The following DMRT1 variants were observed in gnomAD, a reference collection of about 807,000 sequenced individuals.
The protein encoded by DMRT1 is doublesex- and mab-3-related transcription factor 1.
In DMRT1, 7 loss-of-function variants were observed where a neutral mutation model predicts 32.3. The ratio of observed to expected loss-of-function variants is 0.22; its 90% CI spans 0.12 to 0.41. The LOEUF is 0.41. Ranked by LOEUF, DMRT1 falls within the 10% of genes least tolerant of loss-of-function variation. The probability of loss-of-function intolerance (pLI) is 1.00; values close to 1 mark genes in which losing one functional copy is unlikely to be tolerated. For synonymous variants in DMRT1, 278 were observed against 206.1 expected, an observed-to-expected ratio of 1.35 and a Z score of -2.99; for missense variants, 625 against 500.5, an observed-to-expected ratio of 1.25 and a Z score of -2.37.
intron 2 of DMRT1, among the ~76,000 whole-genome samples, chr9:868,133 A>G (rs942166242): frequency 2.0e-5 from 3 of 152,152 alleles, no homozygotes; most frequent in African/African-American, 7.2e-5. Context: ...GCAAGCCACC[A>G]TGCCCGGCTA....
chr9:847,211 G>A (rs888351158), intron 2 of DMRT1, 68 bp downstream of exon 2: 59 of 1,509,080 alleles, frequency 3.9e-5, no homozygotes, highest in Non-Finnish European at 4.9e-5. Context: ...TGCAGCCACA[G>A]AAGCAGGGCT....
chr9:856,487 G>T (rs1031016333), intron 2 of DMRT1, among the ~76,000 whole-genome samples: 2 of 152,172 alleles, frequency 1.3e-5, no homozygotes, highest in Non-Finnish European at 2.9e-5. Flanking sequence ...GGAATGATAA[G>T]ATGTGTAACC....
intron 3 of DMRT1, among the ~76,000 whole-genome samples, chr9:908,635 G>A (rs4742549): frequency 0.031 from 4,778 of 151,822 alleles, 206 homozygotes; most frequent in East Asian, 0.17. Flanking sequence ...TTTTATTTTT[G>A]GAGCTACTGT....
chr9:863,319 T>TAAAAA (rs34511298), intron 2 of DMRT1, among the ~76,000 whole-genome samples: 3 of 135,136 alleles, frequency 2.2e-5, no homozygotes. Context: ...CCACGTCTCT[T>TAAAAA]AAAAAAAAAA....
At chr9:906,223 C>G (rs1197476417) in intron 3 of DMRT1, among the ~76,000 whole-genome samples, 2 of 152,120 alleles carry the variant, frequency 1.3e-5, no homozygotes, top group African/African-American at 4.8e-5. Context: ...AGGTCACCAG[C>G]CTGCGTCGGA....
intron 2 of DMRT1, among the ~76,000 whole-genome samples, chr9:882,129 A>G (rs898676423): frequency 6.6e-6 from 1 of 152,174 alleles, no homozygotes; most frequent in Non-Finnish European, 1.5e-5. Context: ...AGCTGCAGAG[A>G]GCAGGAATCA....
At chr9:913,051 A>G (rs1410918021) in intron 3 of DMRT1, among the ~76,000 whole-genome samples, 1 of 152,202 alleles carries the variant, frequency 6.6e-6, no homozygotes, top group Non-Finnish European at 1.5e-5. Context: ...GACATTTACA[A>G]TAAAAAGTTT....
chr9:845,216 A>T (rs1838855160), intron 1 of DMRT1, among the ~76,000 whole-genome samples: 2 of 151,038 alleles, frequency 1.3e-5, no homozygotes, highest in African/African-American at 4.9e-5. Flanking sequence ...TTATTTATTT[A>T]TTTATTTTTT....
At chr9:941,964 C>T (rs753577560) in intron 4 of DMRT1, among the ~76,000 whole-genome samples, 3 of 152,154 alleles carry the variant, frequency 2.0e-5, no homozygotes, top group Non-Finnish European at 2.9e-5. Context: ...GCACTTATAT[C>T]CAGAAGTGAG....
intron 2 of DMRT1, among the ~76,000 whole-genome samples, chr9:851,692 G>C (rs1204189500): frequency 1.3e-5 from 2 of 152,182 alleles, no homozygotes; most frequent in Non-Finnish European, 2.9e-5. Context: ...GGTTTCATTT[G>C]TTGGAGAAAC....
intron 4 of DMRT1, among the ~76,000 whole-genome samples, chr9:925,304 C>A (rs1329097764): frequency 6.6e-6 from 1 of 152,198 alleles, no homozygotes; most frequent in Non-Finnish European, 1.5e-5. Flanking sequence ...GTGAAGCATT[C>A]AGTGAAATAA....
At chr9:901,333 G>GT (rs1419701989) in intron 3 of DMRT1, among the ~76,000 whole-genome samples, 1 of 150,750 alleles carries the variant, frequency 6.6e-6, no homozygotes, top group Non-Finnish European at 1.5e-5. Context: ...TTGTGTGTTT[G>GT]TTTTTTATTG....
At chr9:904,168 A>G (rs113476485) in intron 3 of DMRT1, among the ~76,000 whole-genome samples, 9 of 152,224 alleles carry the variant, frequency 5.9e-5, no homozygotes, top group Non-Finnish European at 2.9e-5. Flanking sequence ...AATTGGCTTG[A>G]AATTTAGATA....
At chr9:869,279 C>G (rs1816127851) in intron 2 of DMRT1, among the ~76,000 whole-genome samples, 1 of 152,184 alleles carries the variant, frequency 6.6e-6, no homozygotes, top group Non-Finnish European at 1.5e-5. Flanking sequence ...CATGCCAGAT[C>G]TTAAAGGTGG....
intron 4 of DMRT1, among the ~76,000 whole-genome samples, chr9:917,868 G>A (rs574754895): frequency 2.0e-5 from 3 of 152,268 alleles, no homozygotes; most frequent in South Asian, 2.1e-4. Context: ...TATAGGTCAC[G>A]GGAGCCTATG....
chr9:847,225 C>T (rs935414246), intron 2 of DMRT1, 82 bp downstream of exon 2: 6 of 1,421,262 alleles, frequency 4.2e-6, no homozygotes, highest in Non-Finnish European at 5.8e-6. Flanking sequence ...CAGGGCTCCC[C>T]TGAGCTACAT....
intron 2 of DMRT1, among the ~76,000 whole-genome samples, chr9:850,019 A>G (rs1050501233): frequency 6.6e-6 from 1 of 152,186 alleles, no homozygotes; most frequent in African/African-American, 2.4e-5. Context: ...GGTTTCCTCC[A>G]TGTTGGTCAG....
At chr9:944,878 A>G (rs147981639) in intron 4 of DMRT1, among the ~76,000 whole-genome samples, 44 of 152,194 alleles carry the variant, frequency 2.9e-4, no homozygotes, top group African/African-American at 9.9e-4. Context: ...CTTGCTTTGG[A>G]AAGCACATGA....
At chr9:929,187 A>T (rs1818628070) in intron 4 of DMRT1, among the ~76,000 whole-genome samples, 1 of 152,176 alleles carries the variant, frequency 6.6e-6, no homozygotes, top group Non-Finnish European at 1.5e-5. Context: ...ACAACCTTGT[A>T]CTTCATCTGT....
Sources: gnomAD v4.1 joint callset for allele counts (sites outside exome capture counted in the v4.1 genomes callset) on GRCh38, gnomAD v4.1.1 for gene constraint, MANE v1.5 for transcripts, NCBI Gene and HGNC (gene_info 2026-07-23, HGNC 2026-07-21) for gene names.